The following ARB2A variants were observed in gnomAD, a reference collection of about 807,000 sequenced individuals.
The protein encoded by ARB2A is cotranscriptional regulator ARB2A.
At chr5:93,818,331 GTTGTACAAGTCTGCAAATAT>G in the ARB2A span, among the ~76,000 whole-genome samples, 2 of 152,106 alleles carry the variant, frequency 1.3e-5, no homozygotes, top group African/African-American at 4.8e-5. Context: ...AGTAATGATA[GTTGTACAAGTCTGCAAATAT>G]GCAAAAAGAC....
the ARB2A span, among the ~76,000 whole-genome samples, chr5:94,081,660 T>A: frequency 6.6e-6 from 1 of 152,026 alleles, no homozygotes; most frequent in Non-Finnish European, 1.5e-5. Context: ...TCCATAGAAA[T>A]AGGAAGTTGA....
At chr5:93,849,034 G>C in the ARB2A span, among the ~76,000 whole-genome samples, 1 of 152,150 alleles carries the variant, frequency 6.6e-6, no homozygotes, top group African/African-American at 2.4e-5. Context: ...AGTTAAAACA[G>C]AAGCACATTT....
At chr5:93,920,723 C>T in the ARB2A span, among the ~76,000 whole-genome samples, 8 of 152,068 alleles carry the variant, frequency 5.3e-5, no homozygotes, top group Non-Finnish European at 8.8e-5. Context: ...GAAATGTAAA[C>T]AAATGTAAAG....
chr5:93,905,295 C>A, the ARB2A span, among the ~76,000 whole-genome samples: 2 of 151,524 alleles, frequency 1.3e-5, no homozygotes, highest in African/African-American at 4.8e-5. Context: ...TGAAAAATGA[C>A]AAGTAGTTAA....
the ARB2A span, among the ~76,000 whole-genome samples, chr5:93,776,946 G>A: frequency 6.6e-6 from 1 of 151,996 alleles, no homozygotes; most frequent in African/African-American, 2.4e-5. Flanking sequence ...AAATATTAAT[G>A]TGAATATTCA....
the ARB2A span, among the ~76,000 whole-genome samples, chr5:94,091,040 T>C: frequency 2.0e-5 from 3 of 152,206 alleles, no homozygotes; most frequent in South Asian, 6.2e-4. Context: ...AGTTCATTAT[T>C]AAGGGTTGAC....
At chr5:93,974,889 A>G in the ARB2A span, among the ~76,000 whole-genome samples, 1 of 152,226 alleles carries the variant, frequency 6.6e-6, no homozygotes, top group Non-Finnish European at 1.5e-5. Context: ...TGACTTCTGG[A>G]TAAACAATGA....
the ARB2A span, among the ~76,000 whole-genome samples, chr5:93,867,188 A>G: frequency 1.1e-4 from 16 of 152,292 alleles, 1 homozygote; most frequent in East Asian, 2.9e-3. Flanking sequence ...ATACCTCTGA[A>G]AGGTACTGAT....
the ARB2A span, among the ~76,000 whole-genome samples, chr5:93,774,968 CATAA>C: frequency 1.3e-5 from 2 of 151,956 alleles, no homozygotes; most frequent in Non-Finnish European, 2.9e-5. Flanking sequence ...ATATAACTAG[CATAA>C]ATAATGAAAA....
At chr5:93,911,982 AATTATAT>A in the ARB2A span, among the ~76,000 whole-genome samples, 1 of 151,764 alleles carries the variant, frequency 6.6e-6, no homozygotes, top group Non-Finnish European at 1.5e-5. Context: ...CAGAACAAAT[AATTATAT>A]GAACACTTCA....
At chr5:93,909,293 A>T in the ARB2A span, among the ~76,000 whole-genome samples, 1 of 151,138 alleles carries the variant, frequency 6.6e-6, no homozygotes, top group Admixed American at 6.6e-5. Context: ...ATGTCAAAGT[A>T]TGTACAAAAC....
the ARB2A span, among the ~76,000 whole-genome samples, chr5:94,094,421 C>G: frequency 6.6e-6 from 1 of 152,166 alleles, no homozygotes; most frequent in South Asian, 2.1e-4. Context: ...CTCATTTAAC[C>G]TTAATTACTT....
At chr5:93,885,293 T>C in the ARB2A span, among the ~76,000 whole-genome samples, 1 of 151,576 alleles carries the variant, frequency 6.6e-6, no homozygotes, top group Non-Finnish European at 1.5e-5. Flanking sequence ...GAACTGTGGG[T>C]TGCTACTCTA....
the ARB2A span, among the ~76,000 whole-genome samples, chr5:93,817,397 C>T: frequency 6.6e-6 from 1 of 152,148 alleles, no homozygotes; most frequent in Non-Finnish European, 1.5e-5. Flanking sequence ...AAGATGGCAA[C>T]ACTCCCCAAA....
the ARB2A span, among the ~76,000 whole-genome samples, chr5:93,870,120 C>T: frequency 5.4e-4 from 82 of 152,188 alleles, no homozygotes; most frequent in Non-Finnish European, 9.8e-4. Flanking sequence ...CCACGGTCTT[C>T]TATTGTTGGA....
the ARB2A span, among the ~76,000 whole-genome samples, chr5:93,873,011 C>G: frequency 4.4e-4 from 67 of 152,154 alleles, no homozygotes; most frequent in Non-Finnish European, 7.9e-4. Flanking sequence ...GTATAATATT[C>G]AAGAGTTCTT....
the ARB2A span, chr5:93,740,512 C>T: frequency 7.7e-5 from 115 of 1,486,068 alleles, no homozygotes; most frequent in African/African-American, 1.4e-3. Context: ...ACCCTAGGGA[C>T]ATTTCCTGGG....
chr5:93,915,757 G>A, the ARB2A span, among the ~76,000 whole-genome samples: 1 of 151,852 alleles, frequency 6.6e-6, no homozygotes, highest in East Asian at 1.9e-4. Context: ...ATTAATACGT[G>A]TATATTAGGT....
At chr5:93,865,864 A>C in the ARB2A span, 1 of 985,436 alleles carries the variant, frequency 1.0e-6, no homozygotes, top group Non-Finnish European at 1.2e-6. Context: ...GAGGTCAAAT[A>C]TGAGGTTAAA....
Sources: allele counts gnomAD v4.1 joint callset (sites outside exome capture counted in the v4.1 genomes callset), GRCh38; gene constraint gnomAD v4.1.1; transcripts MANE v1.5; gene names NCBI Gene and HGNC (gene_info 2026-07-23, HGNC 2026-07-21).